Variants in RSF1 observed in about 807,000 individuals in gnomAD.
RSF1 encodes HBV pX-associated protein 8.
Under a neutral mutation model 145.2 loss-of-function variants are expected in RSF1, and 13 were observed. The observed-to-expected ratio is 0.09, with a 90% confidence interval of 0.06 to 0.14. RSF1 has a LOEUF of 0.14. Among genes scored for constraint, RSF1 ranks in the 10% least tolerant of loss-of-function variants. The pLI is 1.00. For synonymous variants in RSF1, 577 were observed against 592.6 expected, an observed-to-expected ratio of 0.97 and a Z score of 0.38; for missense variants, 1,517 against 1,718.2, an observed-to-expected ratio of 0.88 and a Z score of 2.07.
intron 1 of RSF1, among the ~76,000 whole-genome samples, chr11:77,794,366 C>T (rs1948551262): frequency 6.6e-6 from 1 of 151,850 alleles, no homozygotes; most frequent in African/African-American, 2.4e-5. Flanking sequence ...AAACAAATAC[C>T]AAGAGGAACT....
At chr11:77,868,495 A>C in the RSF1 span, among the ~76,000 whole-genome samples, 1 of 150,818 alleles carries the variant, frequency 6.6e-6, no homozygotes, top group Non-Finnish European at 1.5e-5. Context: ...AATAGCTGGG[A>C]CTACAGGCAC....
At chr11:77,718,495 A>G (rs1204662658) in intron 5 of RSF1, 1 of 152,168 alleles carries the variant, frequency 6.6e-6, no homozygotes, top group Non-Finnish European at 1.5e-5. Flanking sequence ...ATAGTATTAC[A>G]TGTTACAGAC....
chr11:77,790,490 C>T lies in RSF1; in HGVS notation c.188-25801G>A, dbSNP rs568659923. Among the ~76,000 whole-genome samples, 283 of 152,238 alleles carry T rather than the reference C, an allele frequency of 1.9e-3. 2 individuals carry two copies. Among genetic ancestry groups the T allele is most frequent in the Non-Finnish European group, 3.6e-3 (244 of 68,004 alleles). On this transcript the variant is annotated intron_variant, in intron 1 of 15. Coordinates refer to ENST00000308488, the MANE Select transcript of RSF1 (RefSeq NM_016578.4). Reference sequence around the variant, plus strand: ...TCCCAAATCTCATGTCCTCACATTTCAAAACCAAACATGCCTTCCCAACAG... The same window carrying T: ...TCCCAAATCTCATGTCCTCACATTTTAAAACCAAACATGCCTTCCCAACAG...
At position 77,725,806 on chromosome 11, in the gene RSF1, G is replaced by T. The variant is rs1368412388; in HGVS notation, c.579-107C>A. ...AAATAAAAAAAGAAAAATACATTAAGAACATCAAAAACACTGGTACAGCTA... is the reference window on the plus strand; with the variant it reads ...AAATAAAAAAAGAAAAATACATTAATAACATCAAAAACACTGGTACAGCTA... On this transcript the variant is annotated intron_variant, in intron 4 of 15. Coordinates refer to ENST00000308488, the MANE Select transcript of RSF1 (RefSeq NM_016578.4). 5 of 867,738 alleles carry T rather than the reference G, an allele frequency of 5.8e-6. No homozygotes were observed. The African/African-American group carries it at 7.0e-5, about 12-fold the overall frequency. 53.8% of individuals were successfully genotyped at this position (867,738 alleles called of 1,614,324 possible). A position where few individuals can be genotyped will look rare whatever the true frequency, so the allele number is the denominator to read the frequency against.
At chr11:77,715,831 T>C (rs1590846983) in intron 5 of RSF1, among the ~76,000 whole-genome samples, 1 of 152,200 alleles carries the variant, frequency 6.6e-6, no homozygotes, top group Non-Finnish European at 1.5e-5. Flanking sequence ...GGCTGGAGTA[T>C]GGTGGTGTGA....
intron 5 of RSF1, among the ~76,000 whole-genome samples, chr11:77,710,161 A>G (rs1960645132): frequency 6.7e-6 from 1 of 148,192 alleles, no homozygotes; most frequent in Admixed American, 6.6e-5. Context: ...TTTTAAATTA[A>G]AAAAAAATTG....
intron 5 of RSF1, among the ~76,000 whole-genome samples, chr11:77,704,114 T>C (rs1332421529): frequency 6.6e-6 from 1 of 152,284 alleles, no homozygotes; most frequent in South Asian, 2.1e-4. Flanking sequence ...GACAGCATGG[T>C]GAAACTCTGT....
rs146545406 is a variant in RSF1 at position 77,804,590 on chromosome 11, A to T, written c.187+15938T>A. ...GGTGGCTCACGCCTGTAATCCCAGAACTTTGGGAGGCCAAAGTGGGTGGAT... is the reference window on the plus strand; with the variant it reads ...GGTGGCTCACGCCTGTAATCCCAGATCTTTGGGAGGCCAAAGTGGGTGGAT... On this transcript the variant is annotated intron_variant, in intron 1 of 15. Transcript: ENST00000308488. 7.6e-3 allele frequency among the ~76,000 whole-genome samples: 1,164 copies of T among 152,234 alleles called. 15 individuals carry two copies. The highest frequency in any genetic ancestry group is 0.026 in the African/African-American group (1,096 of 41,534).
chr11:77,738,624 A>G (rs1472045452), intron 4 of RSF1: 1 of 152,206 alleles, frequency 6.6e-6, no homozygotes, highest in Non-Finnish European at 1.5e-5. Flanking sequence ...TGTTAACTCT[A>G]AAATTTCACA....
intron 1 of RSF1, among the ~76,000 whole-genome samples, chr11:77,802,251 A>G (rs1266448636): frequency 1.3e-5 from 2 of 152,108 alleles, no homozygotes; most frequent in Non-Finnish European, 2.9e-5. Flanking sequence ...AGTTGTGAGA[A>G]CCCCCAATTT....
intron 2 of RSF1, among the ~76,000 whole-genome samples, chr11:77,755,732 AC>A (rs1269389728): frequency 9.9e-5 from 15 of 152,118 alleles, no homozygotes; most frequent in African/African-American, 2.7e-4. Flanking sequence ...GGTACGCGCC[AC>A]CATGCCTGGC....
At chr11:77,837,743 A>G in the RSF1 span, among the ~76,000 whole-genome samples, 1 of 152,086 alleles carries the variant, frequency 6.6e-6, no homozygotes, top group African/African-American at 2.4e-5. Flanking sequence ...GCCCTCAGGT[A>G]CTTATTTTTT....
chr11:77,673,269 C>G (rs1242992139), intron 14 of RSF1, among the ~76,000 whole-genome samples: 1 of 152,204 alleles, frequency 6.6e-6, no homozygotes, highest in Non-Finnish European at 1.5e-5. Context: ...GCACACAGAC[C>G]TAGTTAAACT....
intron 1 of RSF1, among the ~76,000 whole-genome samples, chr11:77,802,149 G>A (rs1330674051): frequency 1.3e-5 from 2 of 152,110 alleles, no homozygotes; most frequent in African/African-American, 2.4e-5. Context: ...CTGGCTGCTC[G>A]TTTATAACCT....
chr11:77,796,083 T>C (rs1040841756), intron 1 of RSF1, among the ~76,000 whole-genome samples: 2 of 152,208 alleles, frequency 1.3e-5, no homozygotes, highest in East Asian at 1.9e-4. Context: ...CTTGTGTCTA[T>C]TTGATTCTTC....
At chr11:77,855,076 G>A in the RSF1 span, among the ~76,000 whole-genome samples, 1 of 152,140 alleles carries the variant, frequency 6.6e-6, no homozygotes, top group African/African-American at 2.4e-5. Context: ...GCTAGAGCTG[G>A]AGTGGCCGTG....
chr11:77,675,622 G>GT (rs1411077181), intron 13 of RSF1, among the ~76,000 whole-genome samples: 1 of 152,058 alleles, frequency 6.6e-6, no homozygotes, highest in Non-Finnish European at 1.5e-5. Flanking sequence ...CAGAAACGTG[G>GT]TATTTATCCT....
At chr11:77,717,183 A>C (rs1960835224) in intron 5 of RSF1, among the ~76,000 whole-genome samples, 1 of 11,204 alleles carries the variant, frequency 8.9e-5, no homozygotes, top group African/African-American at 1.6e-3. Context: ...CCAAAAACCA[A>C]AAAAAAAAAA....
rs1959258773 is a variant in RSF1, at chr11:77,662,715, T to C, written c.*4202A>G. On this transcript the variant is annotated 3_prime_UTR_variant, in exon 16 of 16. Transcript: ENST00000308488. ...AAGGTAGGTTTACAGGCACACACTT[T>C]GGGAAAGGTAGATGATATAGGAATG... 1 of 152,098 alleles carries C rather than the reference T, an allele frequency of 6.6e-6. No individual in the cohort carries two copies. The highest frequency in any genetic ancestry group is 1.5e-5 in the Non-Finnish European group (1 of 68,000). 9.4% of individuals were successfully genotyped at this position (152,098 alleles called of 1,614,324 possible).
Sources: gnomAD v4.1 joint callset for allele counts (sites outside exome capture counted in the v4.1 genomes callset) on GRCh38, gnomAD v4.1.1 for gene constraint, MANE v1.5 for transcripts, NCBI Gene and HGNC (gene_info 2026-07-23, HGNC 2026-07-21) for gene names.